The following VKORC1L1 variants were observed in gnomAD, a reference collection of about 807,000 sequenced individuals.
The protein encoded by VKORC1L1 is vitamin K epoxide reductase complex subunit 1L1, also known as vitamin K epoxide reductase complex subunit 1-like protein 1.
A neutral mutation model predicts 18.9 loss-of-function variants in VKORC1L1; 2 were observed. That is an observed-to-expected ratio of 0.11 (90% CI 0.04 to 0.33). The LOEUF (loss-of-function observed/expected upper bound fraction) is 0.33, where lower values mean the gene tolerates loss of function less well. VKORC1L1 is among the 10% of genes least tolerant of loss of function. VKORC1L1 has a pLI of 1.00. For synonymous variants in VKORC1L1, 96 were observed against 100.0 expected, an observed-to-expected ratio of 0.96 and a Z score of 0.24; for missense variants, 123 against 224.1, an observed-to-expected ratio of 0.55 and a Z score of 2.88.
intron 1 of VKORC1L1, among the ~76,000 whole-genome samples, chr7:65,927,621 G>A (rs1475668944): frequency 6.6e-6 from 1 of 152,172 alleles, no homozygotes. Context: ...CCCCTCGTGT[G>A]CAGGTCCCTC....
chr7:65,946,995 A>G (rs1221560123), intron 1 of VKORC1L1, among the ~76,000 whole-genome samples: 1 of 151,588 alleles, frequency 6.6e-6, no homozygotes, highest in Non-Finnish European at 1.5e-5. Flanking sequence ...AAAAAAATAT[A>G]TATATATAGC....
rs1176545203 is a variant in VKORC1L1 at position 65,956,631 on chromosome 7, C to T, written c.*2331C>T. ...GAGGAACACGTACTGCCTGTCATAA[C>T]AGCATTGTAATGCCAGTGTCTCAGT... is the stretch of plus-strand genomic sequence containing the variant. On this transcript the variant is annotated 3_prime_UTR_variant, in exon 3 of 3. Transcript: ENST00000360768. The T allele has an allele frequency of 6.6e-6, 1 of 152,200 alleles. No individual in the cohort carries two copies. Among genetic ancestry groups the T allele is most frequent in the African/African-American group, 2.4e-5 (1 of 41,432 alleles). The allele number at this position is 152,200 out of a possible 1,614,324, so 9.4% of individuals were successfully genotyped here.
At chr7:65,877,089 T>TAA (rs1281156285) in intron 1 of VKORC1L1, among the ~76,000 whole-genome samples, 8 of 152,184 alleles carry the variant, frequency 5.3e-5, no homozygotes, top group African/African-American at 1.7e-4. Context: ...AGATTAGTGT[T>TAA]ACGATGAAAA....
chr7:65,915,978 G>A (rs1789582687), intron 1 of VKORC1L1, among the ~76,000 whole-genome samples: 2 of 151,926 alleles, frequency 1.3e-5, no homozygotes, highest in African/African-American at 4.8e-5. Context: ...GGGCATGGTG[G>A]TGTATGTCTG....
chr7:65,870,848 T>C (rs1049613401), upstream of VKORC1L1, among the ~76,000 whole-genome samples: 3 of 152,290 alleles, frequency 2.0e-5, no homozygotes, highest in African/African-American at 7.2e-5. Context: ...TGGGGCAACG[T>C]TGGCTCATTG....
chr7:65,941,578 G>A (rs951226781), intron 1 of VKORC1L1, among the ~76,000 whole-genome samples: 8 of 151,696 alleles, frequency 5.3e-5, no homozygotes, highest in Admixed American at 3.3e-4. Flanking sequence ...AAAGACCCCA[G>A]GAGAGTGGTT....
At chr7:65,920,418 C>T (rs1260866781) in intron 1 of VKORC1L1, among the ~76,000 whole-genome samples, 1 of 152,192 alleles carries the variant, frequency 6.6e-6, no homozygotes, top group Non-Finnish European at 1.5e-5. Context: ...CCCTGCTACA[C>T]ACTGGGGACT....
At chr7:65,866,896 A>G in the VKORC1L1 span, among the ~76,000 whole-genome samples, 1 of 152,082 alleles carries the variant, frequency 6.6e-6, no homozygotes, top group African/African-American at 2.4e-5. Context: ...GGAGGAAGAA[A>G]AAATAGAAGA....
chr7:65,868,943 CT>C, upstream of VKORC1L1, among the ~76,000 whole-genome samples: 1 of 152,168 alleles, frequency 6.6e-6, no homozygotes, highest in African/African-American at 2.4e-5. Context: ...ATATTTGCCC[CT>C]GGTCCAGTTG....
intron 1 of VKORC1L1, among the ~76,000 whole-genome samples, chr7:65,883,660 C>G (rs1292025402): frequency 6.6e-6 from 1 of 151,196 alleles, no homozygotes; most frequent in African/African-American, 2.4e-5. Context: ...CCACCAAACC[C>G]GGCTAATTTT....
Position 65,954,597 on chromosome 7 carries a change from T to G in VKORC1L1, c.*297T>G, listed in dbSNP as rs1357266903. 9.1e-6 allele frequency: 4 copies of G among 440,394 alleles called. No homozygotes were observed. The highest frequency in any genetic ancestry group is 2.0e-5 in the African/African-American group (1 of 49,714). The allele number at this position is 440,394 out of a possible 1,614,324, so 27.3% of individuals were successfully genotyped here. ...GTAGCCCTAGCCCCCTGCCCTCAAT[T>G]GTAAAGTGAGCAACCATTGCTAGTA... On this transcript the variant is annotated 3_prime_UTR_variant, in exon 3 of 3. Transcript: ENST00000360768.
At chr7:65,875,673 TC>T (rs2116319448) in intron 1 of VKORC1L1, among the ~76,000 whole-genome samples, 1 of 150,682 alleles carries the variant, frequency 6.6e-6, no homozygotes, top group South Asian at 2.2e-4. Flanking sequence ...CTCCTCGGCC[TC>T]CCAAAGTGCT....
rs1228473126 is a variant in VKORC1L1, at chr7:65,953,980, C to T, written c.305-94C>T. On this transcript the variant is annotated intron_variant, in intron 2 of 2. Transcript: ENST00000360768. ...GTTGGCAGGAAGATCAGTATTCAAA[C>T]ACTGCAGCAAGTCACACAGTGTTAT... 3 of 1,129,376 alleles carry T rather than the reference C, an allele frequency of 2.7e-6. No homozygotes were observed. In the African/African-American group the frequency reaches 4.7e-5, roughly 18 times the overall value. The allele number at this position is 1,129,376 out of a possible 1,614,324, so 70.0% of individuals were successfully genotyped here. A position where few individuals can be genotyped will look rare whatever the true frequency, so the allele number is the denominator to read the frequency against.
At chr7:65,937,417 G>GA (rs1789961954) in intron 1 of VKORC1L1, among the ~76,000 whole-genome samples, 1 of 152,044 alleles carries the variant, frequency 6.6e-6, no homozygotes, top group South Asian at 2.1e-4. Flanking sequence ...TTTTGTTTTT[G>GA]AGATAGTATC....
intron 1 of VKORC1L1, among the ~76,000 whole-genome samples, chr7:65,900,923 C>T (rs917693132): frequency 6.6e-6 from 1 of 152,142 alleles, no homozygotes; most frequent in Admixed American, 6.5e-5. Context: ...AGGCCAGTCA[C>T]GTAGTACTTC....
At chr7:65,901,927 A>G (rs73142150) in intron 1 of VKORC1L1, among the ~76,000 whole-genome samples, 48,729 of 152,012 alleles carry the variant, frequency 0.32, 8,855 homozygotes, top group East Asian at 0.46. Context: ...AAGGGCATCA[A>G]AAGGGCATTG....
At position 65,895,894 on chromosome 7, in the gene VKORC1L1, C is replaced by CTTTT. The variant is rs899804086; in HGVS notation, c.194+22348_194+22351dup. On this transcript the variant is annotated intron_variant, in intron 1 of 2. Transcript: ENST00000360768. ...AGAGAACTATCTTGCTATCTCACTTCTTTTTTTTTTTTTTTTTTTTTTGAG... is the reference window on the plus strand; with the variant it reads ...AGAGAACTATCTTGCTATCTCACTTCTTTTTTTTTTTTTTTTTTTTTTTTTTGAG... 5.4e-3 allele frequency among the ~76,000 whole-genome samples: 616 copies of CTTTT among 113,232 alleles called. 13 individuals are homozygous for CTTTT. The highest frequency in any genetic ancestry group is 0.02 in the African/African-American group (558 of 28,240). 74.3% of individuals were successfully genotyped at this position (113,232 alleles called of 152,430 possible).
Position 65,916,476 on chromosome 7 carries a change from C to T in VKORC1L1, c.195-32195C>T, listed in dbSNP as rs527775905. Among the ~76,000 whole-genome samples, 10 of 152,214 alleles carry T rather than the reference C, an allele frequency of 6.6e-5. No individual in the cohort carries two copies. The South Asian group carries it at 1.9e-3, about 28-fold the overall frequency. On this transcript the variant is annotated intron_variant, in intron 1 of 2. Transcript: ENST00000360768. ...GGTTCATCTTGTGCATTTCCTGTCC[C>T]CTACCTGAAACTAGCCATTTCTCTG...
intron 2 of VKORC1L1, among the ~76,000 whole-genome samples, chr7:65,952,231 G>A (rs1446127956): frequency 2.6e-5 from 4 of 152,214 alleles, no homozygotes; most frequent in African/African-American, 9.6e-5. Context: ...CATAGGTGAA[G>A]TCAGCAAACT....
Sources: allele counts gnomAD v4.1 joint callset (sites outside exome capture counted in the v4.1 genomes callset), GRCh38; gene constraint gnomAD v4.1.1; transcripts MANE v1.5; gene names NCBI Gene and HGNC (gene_info 2026-07-23, HGNC 2026-07-21).